ZNF469: variants seen among roughly 807,000 people sequenced by gnomAD.
ZNF469 encodes zinc finger protein 469.
Under a neutral mutation model 1.0 loss-of-function variants are expected in ZNF469, and 1 was observed. The observed-to-expected ratio is 1.00, with a 90% CI of 0.35 to 4.73. ZNF469 has a LOEUF of 4.73. ZNF469 is among the 30% of genes most tolerant of loss of function. The pLI is 0.16. For missense variants in ZNF469, 6,100 were observed against 5,356.3 expected (o/e 1.14, Z -4.33); for synonymous variants, 2,703 against 2,363.4 (o/e 1.14, Z -4.17).
the ZNF469 span, among the ~76,000 whole-genome samples, chr16:88,261,709 G>T: frequency 6.6e-6 from 1 of 152,178 alleles, no homozygotes; most frequent in Non-Finnish European, 1.5e-5. The surrounding 1 kb of genome is among the most constrained non-coding windows in gnomAD (Gnocchi z 6.0). Context: ...CACAGGGCAA[G>T]TTCTTGGCCC....
chr16:88,396,666 A>C (rs1242104736), intron 1 of ZNF469, among the ~76,000 whole-genome samples: 1 of 149,836 alleles, frequency 6.7e-6, no homozygotes, highest in East Asian at 2.0e-4. Flanking sequence ...ACCCTCCTGA[A>C]GGGAGGCCGG....
the ZNF469 span, among the ~76,000 whole-genome samples, chr16:88,232,793 A>G: frequency 6.6e-6 from 1 of 152,192 alleles, no homozygotes; most frequent in African/African-American, 2.4e-5. Context: ...GAACAAAGTC[A>G]ATGTGTTTTT....
the ZNF469 span, among the ~76,000 whole-genome samples, chr16:88,204,483 G>C: frequency 6.6e-6 from 1 of 152,372 alleles, no homozygotes; most frequent in Admixed American, 6.5e-5. Flanking sequence ...AGCACCGCTA[G>C]GCCCTCCTCG....
At chr16:88,411,455 T>TGTGAGTGG in intron 1 of ZNF469, among the ~76,000 whole-genome samples, 2 of 143,396 alleles carry the variant, frequency 1.4e-5, no homozygotes, top group African/African-American at 5.2e-5. Flanking sequence ...CAGGCAGGGG[T>TGTGAGTGG]GCGAGTGGGC....
the ZNF469 span, among the ~76,000 whole-genome samples, chr16:88,102,785 C>G: frequency 6.6e-6 from 1 of 152,098 alleles, no homozygotes; most frequent in Non-Finnish European, 1.5e-5. Context: ...CACTTGCTAC[C>G]AAGGCGTCCA....
rs556173403 is a variant in ZNF469, at chr16:88,430,102, G to A, written c.2632G>A (p.Gly878Ser). The change falls in exon 3 of 3, where the codon GGT (glycine) becomes AGT (serine). Residue 878 changes from glycine (G) to serine (S), a missense_variant. Gly to Ser is a moderately conservative substitution (Grantham distance 56, BLOSUM62 0). Coordinates refer to ENST00000565624, the MANE Select transcript of ZNF469 (RefSeq NM_001367624.2). ...FADEEPSGPR[G>S]PSSGHPLKSK... The stretch of plus-strand genomic sequence containing the variant: ...GGACGAGGAGCCTTCCGGCCCCAGA[G>A]GTCCCAGCTCCGGACACCCCCTTAA... 5 of 1,542,420 alleles carry A rather than the reference G, an allele frequency of 3.2e-6. No individual in the cohort carries two copies. The highest frequency in any genetic ancestry group is 4.0e-5 in the Admixed American group (2 of 50,536).
At chr16:88,128,629 G>C in the ZNF469 span, among the ~76,000 whole-genome samples, 1 of 152,202 alleles carries the variant, frequency 6.6e-6, no homozygotes, top group Non-Finnish European at 1.5e-5. Flanking sequence ...GCAGAGGCAG[G>C]GGCTTCTCTC....
chr16:88,346,444 T>A, the ZNF469 span, among the ~76,000 whole-genome samples: 1 of 151,618 alleles, frequency 6.6e-6, no homozygotes, highest in Admixed American at 6.6e-5. Context: ...GACCTGCACA[T>A]GCAGCTCCCA....
chr16:88,365,264 C>G, the ZNF469 span, among the ~76,000 whole-genome samples: 17 of 152,328 alleles, frequency 1.1e-4, no homozygotes, highest in South Asian at 1.7e-3. Context: ...CAACATCCAG[C>G]CTTTTCTGGT....
At chr16:88,130,756 C>A in the ZNF469 span, among the ~76,000 whole-genome samples, 2 of 152,098 alleles carry the variant, frequency 1.3e-5, no homozygotes, top group African/African-American at 4.8e-5. Context: ...GGCAGCGCAG[C>A]CTCCCACGCA....
At chr16:88,141,111 C>G in the ZNF469 span, among the ~76,000 whole-genome samples, 1 of 152,166 alleles carries the variant, frequency 6.6e-6, no homozygotes, top group Non-Finnish European at 1.5e-5. Flanking sequence ...CTTACGGACA[C>G]AATAAATTCT....
chr16:88,176,132 C>T, the ZNF469 span, among the ~76,000 whole-genome samples: 1 of 151,466 alleles, frequency 6.6e-6, no homozygotes, highest in Admixed American at 6.6e-5. Context: ...GGCCTGAGGA[C>T]GTCTGGCACC....
chr16:88,248,662 A>G, the ZNF469 span, among the ~76,000 whole-genome samples: 5,062 of 152,316 alleles, frequency 0.033, 283 homozygotes, highest in African/African-American at 0.11. Context: ...GAGTGTTATA[A>G]CATGTTTATG....
chr16:88,319,212 G>A, the ZNF469 span, among the ~76,000 whole-genome samples: 1 of 152,160 alleles, frequency 6.6e-6, no homozygotes, highest in South Asian at 2.1e-4. Context: ...TGCCCACACT[G>A]TCCCCCTTGG....
chr16:88,169,014 T>G, the ZNF469 span, among the ~76,000 whole-genome samples: 2 of 151,680 alleles, frequency 1.3e-5, no homozygotes, highest in African/African-American at 4.9e-5. The surrounding 1 kb of genome is among the most constrained non-coding windows in gnomAD (Gnocchi z 6.1). Context: ...TGGAAGGATG[T>G]GGGGAGGAGG....
the ZNF469 span, among the ~76,000 whole-genome samples, chr16:88,272,217 A>AG: frequency 1.7e-5 from 2 of 116,190 alleles, no homozygotes; most frequent in African/African-American, 3.1e-5. Flanking sequence ...GGATAAATGG[A>AG]TGTGTGGATG....
intron 1 of ZNF469, among the ~76,000 whole-genome samples, chr16:88,416,343 T>G (rs1039591821): frequency 5.3e-5 from 8 of 152,164 alleles, no homozygotes; most frequent in Non-Finnish European, 1.0e-4. Flanking sequence ...CGAAGTTCAC[T>G]TACGCTATTG....
In ZNF469 at chr16:88,437,703, G is replaced by A. The variant is rs1187058696; in HGVS notation, c.10233G>A (p.Met3411Ile). Residue 3411 changes from methionine (M) to isoleucine (I), a missense_variant, in exon 3 of 3, where the codon ATG becomes ATA. Met to Ile is a conservative substitution (Grantham distance 10, BLOSUM62 1). Transcript: ENST00000565624. ...CCTGCGAGCTCTGCGCCACGGTTAT[G>A]CGCATCATCAAGAAGTCCTTCGCCT... is the stretch of plus-strand genomic sequence containing the variant. ...LYACELCATV[M>I]RIIKKSFACS... The A allele has an allele frequency of 6.5e-7, 1 of 1,549,840 alleles. No homozygotes were observed. Among genetic ancestry groups the A allele is most frequent in the Non-Finnish European group, 8.7e-7 (1 of 1,146,634 alleles).
At position 88,439,773 on chromosome 16, in the gene ZNF469, C is replaced by G. The variant is rs1249701448; in HGVS notation, c.*441C>G. The G allele has an allele frequency of 8.2e-6, 2 of 244,890 alleles. No homozygotes were observed. Among genetic ancestry groups the G allele is most frequent in the African/African-American group, 4.6e-5 (2 of 43,856 alleles). The allele number at this position is 244,890 out of a possible 1,614,324, so 15.2% of individuals were successfully genotyped here. A position where few individuals can be genotyped will look rare whatever the true frequency, so the allele number is the denominator to read the frequency against. On this transcript the variant is annotated 3_prime_UTR_variant, in exon 3 of 3. Coordinates refer to ENST00000565624, the MANE Select transcript of ZNF469 (RefSeq NM_001367624.2). The stretch of plus-strand genomic sequence containing the variant: ...GGTAGGTTCCCTCTTAGTCTTGCTG[C>G]TGTTGCTGGAATTCCAAAGTGACCT...
Sources: gnomAD v4.1 joint callset for allele counts (sites outside exome capture counted in the v4.1 genomes callset) on GRCh38, gnomAD v4.1.1 for gene constraint, Gnocchi (gnomAD v3.1) non-coding constraint, MANE v1.5 for transcripts, NCBI Gene and HGNC (gene_info 2026-07-23, HGNC 2026-07-21) for gene names.